Variants in CACNA2D3 observed in about 807,000 individuals in gnomAD.
The protein encoded by CACNA2D3 is voltage-dependent calcium channel subunit alpha-2/delta-3.
A neutral mutation model predicts 160.6 loss-of-function variants in CACNA2D3; 60 were observed. The observed-to-expected ratio is 0.37, with a 90% confidence interval of 0.30 to 0.46. CACNA2D3 has a LOEUF of 0.46. Ranked by LOEUF, CACNA2D3 falls within the 20% of genes least tolerant of loss-of-function variation. The pLI, the probability that CACNA2D3 is intolerant of heterozygous loss-of-function variation, is 1.00. For synonymous variants in CACNA2D3, 558 were observed against 492.9 expected (o/e 1.13, Z -1.75); for missense variants, 1,205 against 1,365.0 (o/e 0.88, Z 1.85).
chr3:54,451,272 C>A (rs2106817676), intron 4 of CACNA2D3, among the ~76,000 whole-genome samples: 1 of 103,820 alleles, frequency 9.6e-6, no homozygotes, highest in Non-Finnish European at 1.7e-5. Flanking sequence ...GAGACAGCCT[C>A]TTGCTCTGTC....
chr3:54,630,491 C>T (rs1232556867), intron 10 of CACNA2D3, among the ~76,000 whole-genome samples: 1 of 152,200 alleles, frequency 6.6e-6, no homozygotes, highest in Non-Finnish European at 1.5e-5. Context: ...ATGCCATCCT[C>T]CTCTTGCAGA....
At chr3:54,269,085 C>A (rs905492421) in intron 2 of CACNA2D3, among the ~76,000 whole-genome samples, 3 of 152,080 alleles carry the variant, frequency 2.0e-5, no homozygotes, top group Admixed American at 2.0e-4. Flanking sequence ...CCATTGAGCC[C>A]CTGCTCTGCT....
At chr3:54,474,662 G>A (rs777111575) in intron 4 of CACNA2D3, among the ~76,000 whole-genome samples, 1 of 152,132 alleles carries the variant, frequency 6.6e-6, no homozygotes, top group Admixed American at 6.5e-5. Context: ...TTAAGAGAGA[G>A]AGAAATAAGA....
At chr3:54,582,724 G>T (rs548710508) in intron 9 of CACNA2D3, among the ~76,000 whole-genome samples, 22 of 152,314 alleles carry the variant, frequency 1.4e-4, no homozygotes, top group Non-Finnish European at 2.9e-5. Flanking sequence ...AATGGCCAAG[G>T]CAGGCTTTTG....
intron 8 of CACNA2D3, among the ~76,000 whole-genome samples, chr3:54,576,563 C>G (rs1372646808): frequency 6.6e-6 from 1 of 152,184 alleles, no homozygotes; most frequent in Non-Finnish European, 1.5e-5. Context: ...TGATGTGTCC[C>G]TTGCCTTCAG....
At chr3:54,756,717 A>T (rs1481365129) in intron 12 of CACNA2D3, among the ~76,000 whole-genome samples, 2 of 152,110 alleles carry the variant, frequency 1.3e-5, no homozygotes, top group African/African-American at 4.8e-5. Context: ...GTGGTCAAGG[A>T]CCTGCTATCA....
At chr3:54,876,028 A>G (rs1699650734) in intron 18 of CACNA2D3, among the ~76,000 whole-genome samples, 1 of 152,102 alleles carries the variant, frequency 6.6e-6, no homozygotes, top group Non-Finnish European at 1.5e-5. Flanking sequence ...TGGGTTTTTT[A>G]ATGACTACAT....
chr3:54,962,346 A>C (rs960484239), intron 27 of CACNA2D3, among the ~76,000 whole-genome samples: 3 of 152,314 alleles, frequency 2.0e-5, no homozygotes, highest in South Asian at 4.1e-4. Flanking sequence ...TCTAAGGAAC[A>C]TTCCTAGGAG....
intron 9 of CACNA2D3, chr3:54,626,123 A>G: frequency 1.6e-6 from 1 of 615,218 alleles, no homozygotes. Flanking sequence ...CTTTGGGGAG[A>G]AAATAATCCA....
intron 11 of CACNA2D3, among the ~76,000 whole-genome samples, chr3:54,672,756 C>T (rs1700182224): frequency 1.3e-5 from 2 of 152,216 alleles, no homozygotes; most frequent in African/African-American, 4.8e-5. Context: ...TTCGGCTGTC[C>T]CGTGTGTGAG....
intron 3 of CACNA2D3, among the ~76,000 whole-genome samples, chr3:54,378,510 A>G (rs1384890058): frequency 6.6e-6 from 1 of 152,186 alleles, no homozygotes; most frequent in Non-Finnish European, 1.5e-5. Context: ...ATGTAATGTC[A>G]TAGTCCCCAT....
intron 4 of CACNA2D3, among the ~76,000 whole-genome samples, chr3:54,471,053 A>T (rs1482661077): frequency 6.6e-6 from 1 of 152,236 alleles, no homozygotes; most frequent in African/African-American, 2.4e-5. Flanking sequence ...TTCTGGAACA[A>T]GCAGACCTAA....
intron 17 of CACNA2D3, among the ~76,000 whole-genome samples, chr3:54,871,043 T>TAC (rs58370850): frequency 0.013 from 1,813 of 142,920 alleles, 18 homozygotes; most frequent in African/African-American, 0.017. Context: ...AGCTTTGGGA[T>TAC]ACACACACAC....
intron 4 of CACNA2D3, among the ~76,000 whole-genome samples, chr3:54,387,318 T>A (rs2106662837): frequency 6.6e-6 from 1 of 152,292 alleles, no homozygotes; most frequent in Non-Finnish European, 1.5e-5. Flanking sequence ...TCGATGTGTA[T>A]AGAAAACATA....
intron 4 of CACNA2D3, among the ~76,000 whole-genome samples, chr3:54,453,246 A>G (rs911612866): frequency 6.6e-6 from 1 of 151,536 alleles, no homozygotes; most frequent in Non-Finnish European, 1.5e-5. Context: ...GCCCTCCTTA[A>G]CCTCCTGAAG....
intron 2 of CACNA2D3, among the ~76,000 whole-genome samples, chr3:54,270,340 T>C (rs981904153): frequency 6.6e-6 from 1 of 152,248 alleles, no homozygotes; most frequent in African/African-American, 2.4e-5. Context: ...ACAGAAATAC[T>C]GTATAGCGAG....
chr3:54,552,108 T>C (rs1393139204), intron 5 of CACNA2D3, among the ~76,000 whole-genome samples: 5 of 152,304 alleles, frequency 3.3e-5, no homozygotes, highest in East Asian at 1.9e-4. Context: ...TCTACCAGCA[T>C]ACCTCAAGTC....
intron 17 of CACNA2D3, among the ~76,000 whole-genome samples, chr3:54,857,296 C>T (rs1419325383): frequency 1.3e-5 from 2 of 152,162 alleles, no homozygotes; most frequent in East Asian, 1.9e-4. Context: ...GTCGTGAAGT[C>T]GTTGCTGGTA....
Position 54,918,743 on chromosome 3 carries a change from C to T in CACNA2D3, c.2449+18875C>T, listed in dbSNP as rs79973856. 9.3e-6 allele frequency: 15 copies of T among 1,614,132 alleles called. No homozygotes were observed. In the African/African-American group the frequency reaches 1.1e-4, roughly 11 times the overall value. On this transcript the variant is annotated intron_variant, in intron 27 of 37. Coordinates refer to ENST00000474759, the MANE Select transcript of CACNA2D3 (RefSeq NM_018398.3). ...TTCTCAGGAGGCCTCAGGACCACAC[C>T]GTGGGCAGAGCCGGGCCACTGAGCC...
Sources: gnomAD v4.1 joint callset for allele counts (sites outside exome capture counted in the v4.1 genomes callset) on GRCh38, gnomAD v4.1.1 for gene constraint, MANE v1.5 for transcripts, NCBI Gene and HGNC (gene_info 2026-07-23, HGNC 2026-07-21) for gene names.